POTEC: variants seen among roughly 807,000 people sequenced by gnomAD.
POTEC encodes POTE ankyrin domain family member C.
A neutral mutation model predicts 62.0 loss-of-function variants in POTEC; 35 were observed. That is an observed-to-expected ratio of 0.56 (90% CI 0.43 to 0.75). The LOEUF (loss-of-function observed/expected upper bound fraction) is 0.75, where lower values mean the gene tolerates loss of function less well. POTEC is among the 30% of genes least tolerant of loss of function. The probability of loss-of-function intolerance (pLI) is 0.00; values close to 1 mark genes in which losing one functional copy is unlikely to be tolerated. For missense variants in POTEC, 472 were observed against 655.9 expected (o/e 0.72, Z 3.06); for synonymous variants, 156 against 221.5 (o/e 0.70, Z 2.62).
chr18:14,519,161 G>C (rs983131050), intron 9 of POTEC, among the ~76,000 whole-genome samples: 4 of 152,122 alleles, frequency 2.6e-5, no homozygotes, highest in African/African-American at 9.7e-5. Flanking sequence ...GAGAGAGAGA[G>C]AGATGAGTCA....
At chr18:14,518,299 A>G (rs1910218249) in intron 9 of POTEC, among the ~76,000 whole-genome samples, 1 of 151,476 alleles carries the variant, frequency 6.6e-6, no homozygotes, top group African/African-American at 2.4e-5. Context: ...AGGATGTTAC[A>G]GGAGAAAAAC....
Position 14,537,227 on chromosome 18 carries a change from A to AAC in POTEC, c.810+573_810+574insGT, listed in dbSNP as rs1185100725. Among the ~76,000 whole-genome samples, 163 of 93,202 alleles carry AAC rather than the reference A, an allele frequency of 1.7e-3. 1 individual carries two copies. Among genetic ancestry groups the AAC allele is most frequent in the African/African-American group, 6.5e-3 (157 of 24,296 alleles). 61.1% of individuals were successfully genotyped at this position (93,202 alleles called of 152,430 possible). ...CACACACACAAAAAAAAAAAAAAAC[A>AAC]AAAAAAAACCTCTTCATGGTCTTTT... is the stretch of plus-strand genomic sequence containing the variant. On this transcript the variant is annotated intron_variant, in intron 3 of 10. Transcript: ENST00000358970.
intron 1 of POTEC, among the ~76,000 whole-genome samples, chr18:14,539,184 G>C (rs1285387872): frequency 1.3e-5 from 2 of 151,758 alleles, no homozygotes; most frequent in Non-Finnish European, 2.9e-5. Flanking sequence ...ATGTACATCA[G>C]ATATTTCTAA....
chr18:14,507,560 G>T lies in POTEC; in HGVS notation c.*4338C>A, dbSNP rs1356999845. Reference sequence around the variant, plus strand: ...TTGCCCCCTGTGTCTTTCAATTGGAGCATTTAGCCCATTTCCATTTAAGGT... The same window carrying T: ...TTGCCCCCTGTGTCTTTCAATTGGATCATTTAGCCCATTTCCATTTAAGGT... On this transcript the variant is annotated 3_prime_UTR_variant, in exon 11 of 11. Transcript: ENST00000358970. The T allele has an allele frequency of 6.6e-6, 1 of 152,024 alleles. No homozygotes were observed. The highest frequency in any genetic ancestry group is 2.4e-5 in the African/African-American group (1 of 41,382). 9.4% of individuals were successfully genotyped at this position (152,024 alleles called of 1,614,324 possible).
intron 3 of POTEC, among the ~76,000 whole-genome samples, chr18:14,537,202 CACACACACA>C (rs1398311965): frequency 2.4e-5 from 2 of 82,528 alleles, no homozygotes; most frequent in African/African-American, 1.4e-4. Context: ...CACACACACA[CACACACACA>C]AAAAAAAAAA....
intron 9 of POTEC, among the ~76,000 whole-genome samples, chr18:14,517,897 T>C (rs1210788925): frequency 2.0e-5 from 3 of 152,150 alleles, no homozygotes; most frequent in African/African-American, 7.2e-5. Flanking sequence ...TTGCAATTCC[T>C]CTGACTCAGT....
Position 14,543,039 on chromosome 18 carries a change from C to T in POTEC, c.108G>A (p.Lys36=). The T allele has an allele frequency of 6.2e-7, 1 of 1,606,172 alleles. No homozygotes were observed. Among genetic ancestry groups the T allele is most frequent in the Non-Finnish European group, 8.5e-7 (1 of 1,174,470 alleles). The change falls in exon 1 of 11, where the codon AAG becomes AAA. Residue 36 remains lysine (K), a synonymous_variant. Transcript: ENST00000358970. ...TGCCCATGTTGCTCTTGCCGCTCCC[C>T]TTGCAGCAGGGGAAGCGGTGGTGAA... ...KWFHHRFPCC[K]GSGKSNMGTS...
Position 14,537,943 on chromosome 18 carries a change from A to C in POTEC, c.668T>G (p.Leu223Ter). 1 of 1,612,558 alleles carries C rather than the reference A, an allele frequency of 6.2e-7. No homozygotes were observed. Among genetic ancestry groups the C allele is most frequent in the Non-Finnish European group, 8.5e-7 (1 of 1,179,758 alleles). ...ATCAGCGCCATGTTCCAGCAACATT[A>C]ACACACATTCATCTTCCTGGCATTG... ...AVQCQEDECV[L>*]MLLEHGADQN... The change falls in exon 3 of 11, where the codon TTA becomes TGA. Residue 223 changes from leucine (L) to a stop codon, truncating the protein, a stop_gained. Coordinates refer to ENST00000358970, the MANE Select transcript of POTEC (RefSeq NM_001137671.2). LOFTEE classifies it high-confidence loss of function.
rs1297901007 is a variant in POTEC at position 14,543,043 on chromosome 18, C to A, written c.104G>T (p.Cys35Phe). The change falls in exon 1 of 11, where the codon TGC becomes TTC. Residue 35 changes from cysteine to phenylalanine, a missense_variant. Around this residue, in one of 5 missense-constraint regions of POTEC, gnomAD observed 257 missense variants for 250.7 expected, o/e 1.03. Coordinates refer to ENST00000358970, the MANE Select transcript of POTEC (RefSeq NM_001137671.2). ...GKWFHHRFPCCKGSGKSNMGT... is the reference protein window; with the variant it reads ...GKWFHHRFPCFKGSGKSNMGT... ...CATGTTGCTCTTGCCGCTCCCCTTG[C>A]AGCAGGGGAAGCGGTGGTGAAACCA... The A allele has an allele frequency of 1.6e-5, 25 of 1,606,090 alleles. No individual in the cohort carries two copies. Among genetic ancestry groups the A allele is most frequent in the South Asian group, 3.3e-5 (3 of 90,580 alleles).
rs1906036172 is a variant in POTEC at position 14,543,462 on chromosome 18, A to G, written c.-316T>C. Reference sequence around the variant, plus strand: ...AGCAGAGAAAAAGTCAAGCCCAGCAAAGGAATGCGAGGGAGGAAACGCCAA... The same window carrying G: ...AGCAGAGAAAAAGTCAAGCCCAGCAGAGGAATGCGAGGGAGGAAACGCCAA... On this transcript the variant is annotated 5_prime_UTR_variant, in exon 1 of 11. Coordinates refer to ENST00000358970, the MANE Select transcript of POTEC (RefSeq NM_001137671.2). 4 of 525,064 alleles carry G rather than the reference A, an allele frequency of 7.6e-6. No homozygotes were observed. Among genetic ancestry groups the G allele is most frequent in the Non-Finnish European group, 1.4e-5 (4 of 291,980 alleles). 32.5% of individuals were successfully genotyped at this position (525,064 alleles called of 1,614,324 possible).
At chr18:14,516,678 C>T (rs1166635504) in intron 9 of POTEC, among the ~76,000 whole-genome samples, 1 of 146,678 alleles carries the variant, frequency 6.8e-6, no homozygotes, top group Non-Finnish European at 1.5e-5. Flanking sequence ...GGGGGTGTAT[C>T]CTTACTTTTA....
At chr18:14,530,410 C>A in intron 6 of POTEC, 73 bp downstream of exon 6, 1 of 1,594,564 alleles carries the variant, frequency 6.3e-7, no homozygotes, top group Non-Finnish European at 8.6e-7. Flanking sequence ...CACTGTCTTC[C>A]ACAAAACTGG....
chr18:14,520,649 GT>G (rs1167698508), intron 9 of POTEC, among the ~76,000 whole-genome samples: 1 of 151,692 alleles, frequency 6.6e-6, no homozygotes, highest in Non-Finnish European at 1.5e-5. Flanking sequence ...GAAAGATAAT[GT>G]CACACATGCA....
intron 7 of POTEC, among the ~76,000 whole-genome samples, chr18:14,523,844 T>C (rs11874857): frequency 0.02 from 3,091 of 152,250 alleles, 101 homozygotes; most frequent in African/African-American, 0.07. Context: ...TTGTTATGTG[T>C]TAAATCTACC....
At chr18:14,513,861 G>T (rs1217228859) in intron 9 of POTEC, 76 bp from the exon 10 acceptor site, 17 of 1,595,706 alleles carry the variant, frequency 1.1e-5, no homozygotes, top group Non-Finnish European at 1.4e-5. Context: ...GGCACCATCA[G>T]ATGTCATTCA....
chr18:14,518,502 G>C (rs1026488937), intron 9 of POTEC, among the ~76,000 whole-genome samples: 35 of 150,324 alleles, frequency 2.3e-4, no homozygotes, highest in Non-Finnish European at 4.9e-4. Context: ...AAATGGGTTT[G>C]AAGTTAGAGA....
chr18:14,543,453 A>G lies in POTEC; in HGVS notation c.-307T>C, dbSNP rs28695525. 271,391 of 543,952 alleles carry G rather than the reference A, an allele frequency of 0.5. 73,772 individuals are homozygous for G. Among genetic ancestry groups the G allele is most frequent in the Non-Finnish European group, 0.59 (178,874 of 303,266 alleles). 33.7% of individuals were successfully genotyped at this position (543,952 alleles called of 1,614,324 possible). On this transcript the variant is annotated 5_prime_UTR_variant, in exon 1 of 11. Transcript: ENST00000358970. ...GCCAAACCCAGCAGAGAAAAAGTCA[A>G]GCCCAGCAAAGGAATGCGAGGGAGG...
intron 5 of POTEC, among the ~76,000 whole-genome samples, chr18:14,531,073 T>C (rs1234569468): frequency 1.3e-5 from 2 of 152,128 alleles, no homozygotes; most frequent in East Asian, 1.9e-4. Context: ...GTGTATTTTG[T>C]TCATAGGTTC....
At chr18:14,519,142 G>C (rs976445369) in intron 9 of POTEC, among the ~76,000 whole-genome samples, 1 of 151,978 alleles carries the variant, frequency 6.6e-6, no homozygotes, top group Non-Finnish European at 1.5e-5. Flanking sequence ...TTAGATGTGA[G>C]GTGTCAGAGA....
Sources: allele counts gnomAD v4.1 joint callset (sites outside exome capture counted in the v4.1 genomes callset), GRCh38; gene constraint gnomAD v4.1.1; regional missense constraint gnomAD v4.1.1; transcripts MANE v1.5; gene names NCBI Gene and HGNC (gene_info 2026-07-23, HGNC 2026-07-21).